Variants in THSD4 observed in about 807,000 individuals in gnomAD.
THSD4 encodes thrombospondin type 1 domain containing 4.
A neutral mutation model predicts 119.0 loss-of-function variants in THSD4; 69 were observed. The ratio of observed to expected loss-of-function variants is 0.58; its 90% CI spans 0.48 to 0.71. THSD4 has a LOEUF of 0.71. Among genes scored for constraint, THSD4 ranks in the 30% least tolerant of loss-of-function variants. THSD4 has a pLI of 0.00. For synonymous variants in THSD4, 524 were observed against 540.4 expected (o/e 0.97, Z 0.42); for missense variants, 1,393 against 1,391.1 (o/e 1.00, Z -0.02).
Position 71,681,470 on chromosome 15 carries a change from C to T in THSD4, c.1357+20736C>T, listed in dbSNP as rs935510888. Reference sequence around the variant, plus strand: ...GGCAGGTGGATCACCTGAGGTCAGGCGTTCCAGACCAGCCTGGCCAACATG... The same window carrying T: ...GGCAGGTGGATCACCTGAGGTCAGGTGTTCCAGACCAGCCTGGCCAACATG... On this transcript the variant is annotated intron_variant, in intron 8 of 17. Coordinates refer to ENST00000261862, the MANE Select transcript of THSD4 (RefSeq NM_024817.3). 4.0e-5 allele frequency among the ~76,000 whole-genome samples: 6 copies of T among 151,662 alleles called. No homozygotes were observed. The East Asian group carries it at 7.9e-4, about 20-fold the overall frequency.
chr15:71,404,648 C>T (rs1283357103), intron 6 of THSD4, among the ~76,000 whole-genome samples: 1 of 152,088 alleles, frequency 6.6e-6, no homozygotes, highest in Non-Finnish European at 1.5e-5. Context: ...CATGAGGGCT[C>T]CAATCTCATT....
chr15:71,657,246 G>A (rs74372537), intron 7 of THSD4, among the ~76,000 whole-genome samples: 48 of 152,256 alleles, frequency 3.2e-4, no homozygotes, highest in Non-Finnish European at 6.2e-4. Flanking sequence ...TTTCAGTGTA[G>A]TCACTCAACA....
intron 7 of THSD4, among the ~76,000 whole-genome samples, chr15:71,556,239 T>C (rs1193827041): frequency 6.6e-6 from 1 of 152,210 alleles, no homozygotes; most frequent in Non-Finnish European, 1.5e-5. Context: ...ACTAAAATCA[T>C]TCTGACATTG....
At chr15:71,132,389 A>T (rs2040511619) in intron 1 of THSD4, among the ~76,000 whole-genome samples, 1 of 152,196 alleles carries the variant, frequency 6.6e-6, no homozygotes, top group Non-Finnish European at 1.5e-5. Flanking sequence ...TACTAATGAG[A>T]TGCTTATGAG....
intron 7 of THSD4, among the ~76,000 whole-genome samples, chr15:71,510,248 C>T (rs761450374): frequency 1.3e-5 from 2 of 151,986 alleles, no homozygotes; most frequent in African/African-American, 2.4e-5. Context: ...ACTTGGTACT[C>T]GGTAAATGTT....
At position 71,288,014 on chromosome 15, in the gene THSD4, A is replaced by C. The variant is rs149693916; in HGVS notation, c.1015+31299A>C. Among the ~76,000 whole-genome samples the C allele has an allele frequency of 4.7e-3, 723 of 152,334 alleles. 5 individuals are homozygous for C. Among genetic ancestry groups the C allele is most frequent in the African/African-American group, 0.017 (694 of 41,562 alleles). On this transcript the variant is annotated intron_variant, in intron 6 of 17. Transcript: ENST00000261862. ...ACACGACGCGCAACATGCCCTGTAA[A>C]TATAGATAGGCCACCTACAAAGTGC... is the stretch of plus-strand genomic sequence containing the variant.
chr15:71,288,940 A>C (rs72759673), intron 6 of THSD4, among the ~76,000 whole-genome samples: 7,215 of 152,274 alleles, frequency 0.047, 225 homozygotes, highest in South Asian at 0.098. Context: ...CCCCAGCTGG[A>C]AGAGGTCTCT....
intron 14 of THSD4, among the ~76,000 whole-genome samples, chr15:71,750,628 G>T (rs561121801): frequency 2.6e-5 from 4 of 152,196 alleles, no homozygotes; most frequent in Non-Finnish European, 5.9e-5. Flanking sequence ...GGCCCCAGAT[G>T]GACAGCCCTT....
intron 7 of THSD4, among the ~76,000 whole-genome samples, chr15:71,541,078 G>A (rs528535415): frequency 2.6e-5 from 4 of 152,280 alleles, no homozygotes; most frequent in Non-Finnish European, 5.9e-5. Context: ...AGTTCAATAA[G>A]TATGAAAGGG....
At chr15:71,757,479 GGA>G (rs2053559588) in intron 14 of THSD4, among the ~76,000 whole-genome samples, 1 of 152,108 alleles carries the variant, frequency 6.6e-6, no homozygotes, top group Non-Finnish European at 1.5e-5. Context: ...TGCCCAGGCT[GGA>G]GTGCAGTCGT....
At position 71,771,150 on chromosome 15, in the gene THSD4, T is replaced by G. The variant is rs1470268362; in HGVS notation, c.2856T>G (p.Pro952=). The change falls in exon 17 of 18, where the codon CCT becomes CCG. Residue 952 remains proline, a synonymous_variant. Transcript: ENST00000261862. The part of the protein sequence containing the change: ...DDMTLSNLCD[P]QLKPEERESC... Reference sequence around the variant, plus strand: ...TGACTCTAAGTAACCTCTGTGACCCTCAGTTGAAACCAGAAGAGAGAGAAT... The same window carrying G: ...TGACTCTAAGTAACCTCTGTGACCCGCAGTTGAAACCAGAAGAGAGAGAAT... 3.1e-6 allele frequency: 5 copies of G among 1,614,058 alleles called. No individual in the cohort carries two copies. In the East Asian group the frequency reaches 1.1e-4, roughly 36 times the overall value.
At chr15:71,258,864 A>G (rs1191955890) in intron 6 of THSD4, among the ~76,000 whole-genome samples, 1 of 152,144 alleles carries the variant, frequency 6.6e-6, no homozygotes, top group Non-Finnish European at 1.5e-5. Flanking sequence ...TGATAAGAGG[A>G]GAAAGTTGGG....
intron 7 of THSD4, among the ~76,000 whole-genome samples, chr15:71,494,533 A>G (rs2047979562): frequency 6.6e-6 from 1 of 152,108 alleles, no homozygotes; most frequent in South Asian, 2.1e-4. Context: ...TTACTTTTCC[A>G]TACTCTGACC....
intron 6 of THSD4, among the ~76,000 whole-genome samples, chr15:71,291,617 T>C (rs1401325947): frequency 6.6e-6 from 1 of 152,190 alleles, no homozygotes. Context: ...AGGAGGGCCG[T>C]CTGCTTTATT....
chr15:71,727,605 C>T (rs1346174450), intron 8 of THSD4, among the ~76,000 whole-genome samples: 37 of 135,492 alleles, frequency 2.7e-4, no homozygotes, highest in African/African-American at 9.8e-4. Flanking sequence ...CACACACACA[C>T]ACACACACAC....
intron 5 of THSD4, among the ~76,000 whole-genome samples, chr15:71,244,436 C>G (rs2044181864): frequency 6.6e-6 from 1 of 152,152 alleles, no homozygotes; most frequent in Non-Finnish European, 1.5e-5. Context: ...AAATATATTT[C>G]CTGCTATAGA....
At chr15:71,439,802 G>A (rs1243439413) in intron 7 of THSD4, among the ~76,000 whole-genome samples, 1 of 152,144 alleles carries the variant, frequency 6.6e-6, no homozygotes, top group African/African-American at 2.4e-5. Flanking sequence ...TCATAAGTGG[G>A]AGTTGAACAA....
intron 2 of THSD4, among the ~76,000 whole-genome samples, chr15:71,142,487 T>G (rs2040614280): frequency 6.6e-6 from 1 of 152,130 alleles, no homozygotes; most frequent in African/African-American, 2.4e-5. Context: ...CAGTATTTTA[T>G]TAATATAAAT....
At position 71,215,253 on chromosome 15, in the gene THSD4, G is replaced by T; in HGVS notation, c.318G>T (p.Ser106=). 6.7e-7 allele frequency: 1 copy of T among 1,483,770 alleles called. No homozygotes were observed. Among genetic ancestry groups the T allele is most frequent in the East Asian group, 2.9e-5 (1 of 34,992 alleles). The allele number at this position is 1,483,770 out of a possible 1,614,324, so 91.9% of individuals were successfully genotyped here. Residue 106 remains serine (S), a synonymous_variant, in exon 4 of 18, where the codon TCG becomes TCT. Transcript: ENST00000261862. ...GCGCCTTCGCGGACCACGTGGTGTC[G>T]GCGGTGCGCACGTCGGTGCCACTGC... ...PARAFADHVV[S]AVRTSVPLHR...
Sources: allele counts gnomAD v4.1 joint callset (sites outside exome capture counted in the v4.1 genomes callset), GRCh38; gene constraint gnomAD v4.1.1; transcripts MANE v1.5; gene names NCBI Gene and HGNC (gene_info 2026-07-23, HGNC 2026-07-21).